Variants in TBC1D5 observed in about 807,000 individuals in gnomAD.
The protein encoded by TBC1D5 is TBC1 domain family, member 5.
TBC1D5 carries 75 observed loss-of-function variants against 100.3 expected under a neutral mutation model. That is an observed-to-expected ratio of 0.75 (90% CI 0.62 to 0.91). The LOEUF is 0.91. Ranked by LOEUF, TBC1D5 falls within the 40% of genes least tolerant of loss-of-function variation. The pLI is 0.00. For missense variants in TBC1D5, 910 were observed against 942.4 expected (o/e 0.97, Z 0.45); for synonymous variants, 323 against 325.6 (o/e 0.99, Z 0.09).
At chr3:17,262,236 A>G (rs2078374626) in intron 15 of TBC1D5, among the ~76,000 whole-genome samples, 1 of 152,168 alleles carries the variant, frequency 6.6e-6, no homozygotes, top group Non-Finnish European at 1.5e-5. Flanking sequence ...CCAGGCTACA[A>G]ACCTGTACAG....
At chr3:17,520,028 A>C (rs1389801991) in intron 2 of TBC1D5, among the ~76,000 whole-genome samples, 1 of 152,196 alleles carries the variant, frequency 6.6e-6, no homozygotes, top group Non-Finnish European at 1.5e-5. Context: ...AATGACATTG[A>C]AATGTAGTAT....
chr3:17,294,932 C>T (rs2082103682), intron 14 of TBC1D5, among the ~76,000 whole-genome samples: 1 of 152,108 alleles, frequency 6.6e-6, no homozygotes, highest in African/African-American at 2.4e-5. Flanking sequence ...GGATCTGACA[C>T]AATAAGAATT....
chr3:17,427,709 A>C (rs866413558), intron 4 of TBC1D5, among the ~76,000 whole-genome samples: 2 of 151,946 alleles, frequency 1.3e-5, no homozygotes, highest in African/African-American at 4.8e-5. Flanking sequence ...AAAATGTATT[A>C]TTATTGAATT....
At chr3:17,435,270 T>C (rs972280922) in intron 3 of TBC1D5, among the ~76,000 whole-genome samples, 3 of 152,090 alleles carry the variant, frequency 2.0e-5, no homozygotes, top group Non-Finnish European at 4.4e-5. Context: ...TCCACATTTT[T>C]GGGTATCCTT....
At chr3:17,674,266 A>G (rs993855710) in intron 1 of TBC1D5, among the ~76,000 whole-genome samples, 1 of 152,216 alleles carries the variant, frequency 6.6e-6, no homozygotes, top group Non-Finnish European at 1.5e-5. Flanking sequence ...AAAATTTGAC[A>G]GGTCATCTAT....
chr3:17,411,140 A>G (rs902833871), intron 4 of TBC1D5, among the ~76,000 whole-genome samples: 2 of 152,104 alleles, frequency 1.3e-5, no homozygotes, highest in Non-Finnish European at 2.9e-5. Context: ...AGCCACAACA[A>G]CAAGGCAAGA....
intron 18 of TBC1D5, among the ~76,000 whole-genome samples, chr3:17,210,037 T>G (rs1347779752): frequency 6.6e-6 from 1 of 152,182 alleles, no homozygotes; most frequent in Non-Finnish European, 1.5e-5. Context: ...TGTCCTCATT[T>G]TTGTACAGCA....
rs116627139 is a variant in TBC1D5 at position 17,386,560 on chromosome 3, A to G, written c.510-2545T>C. 9.9e-3 allele frequency among the ~76,000 whole-genome samples: 1,501 copies of G among 152,218 alleles called. 31 individuals are homozygous for G. Among genetic ancestry groups the G allele is most frequent in the African/African-American group, 0.035 (1,454 of 41,532 alleles). ...CAGACCACAGCTTACACGTCTGCCA[A>G]TCATTGAGTTTTGGCCAATCAAATG... On this transcript the variant is annotated intron_variant, in intron 8 of 21. Coordinates refer to ENST00000253692, the Ensembl canonical transcript of TBC1D5.
chr3:17,223,846 G>A (rs2074546116), intron 17 of TBC1D5, among the ~76,000 whole-genome samples: 2 of 152,074 alleles, frequency 1.3e-5, no homozygotes, highest in Non-Finnish European at 1.5e-5. Context: ...AGTGAGCTGA[G>A]ATCGCACCAC....
At chr3:17,710,122 T>C (rs2074570135) in intron 1 of TBC1D5, among the ~76,000 whole-genome samples, 1 of 151,976 alleles carries the variant, frequency 6.6e-6, no homozygotes, top group Non-Finnish European at 1.5e-5. Context: ...TTTAGGAAGA[T>C]TAATCCAGTA....
At chr3:17,502,562 A>G (rs1041446848) in intron 3 of TBC1D5, among the ~76,000 whole-genome samples, 2 of 149,262 alleles carry the variant, frequency 1.3e-5, no homozygotes, top group Non-Finnish European at 2.9e-5. Flanking sequence ...AATCATTGCC[A>G]TTGTTTTTGC....
chr3:17,372,202 C>T, exon 13 of TBC1D5: 3 of 1,613,606 alleles, frequency 1.9e-6, no homozygotes, highest in Non-Finnish European at 2.5e-6. Context: ...GGCCCTAAAT[C>T]TTGTGGTCTA....
intron 21 of TBC1D5, among the ~76,000 whole-genome samples, chr3:17,162,919 T>G (rs2066213275): frequency 1.3e-5 from 2 of 152,214 alleles, no homozygotes; most frequent in South Asian, 2.1e-4. Context: ...GTGAAAATCT[T>G]GACCTCTCAC....
At chr3:17,157,252 A>C (rs1348061614) in exon 22 of TBC1D5, 1 of 152,288 alleles carries the variant, frequency 6.6e-6, no homozygotes, top group Non-Finnish European at 1.5e-5. Flanking sequence ...AGTATGAGTT[A>C]TAGCATAAAG....
chr3:17,196,537 G>T (rs1312212906), intron 18 of TBC1D5, among the ~76,000 whole-genome samples: 1 of 152,220 alleles, frequency 6.6e-6, no homozygotes, highest in Non-Finnish European at 1.5e-5. Flanking sequence ...ACTGTAAAGG[G>T]CCCTACAGGG....
intron 4 of TBC1D5, among the ~76,000 whole-genome samples, chr3:17,416,867 T>G (rs922582854): frequency 3.3e-5 from 5 of 152,166 alleles, no homozygotes; most frequent in African/African-American, 1.2e-4. Flanking sequence ...TGGAAAGAAC[T>G]AGACCCAAGA....
intron 15 of TBC1D5, among the ~76,000 whole-genome samples, chr3:17,272,570 C>T (rs1026534373): frequency 1.3e-5 from 2 of 151,918 alleles, no homozygotes; most frequent in African/African-American, 4.8e-5. Flanking sequence ...AAATTTTTCA[C>T]AAAAAAACTC....
At chr3:17,346,884 T>C (rs1382124895) in intron 13 of TBC1D5, among the ~76,000 whole-genome samples, 1 of 152,192 alleles carries the variant, frequency 6.6e-6, no homozygotes, top group Non-Finnish European at 1.5e-5. Flanking sequence ...TTAACACACA[T>C]AAGCATGGAG....
At chr3:17,308,122 C>T (rs371855466) in exon 14 of TBC1D5, 5 of 1,580,074 alleles carry the variant, frequency 3.2e-6, no homozygotes, top group East Asian at 2.3e-5. Flanking sequence ...CAAATAGCAG[C>T]CGCACCCACC....
Sources: gnomAD v4.1 joint callset for allele counts (sites outside exome capture counted in the v4.1 genomes callset) on GRCh38, gnomAD v4.1.1 for gene constraint, MANE v1.5 for transcripts, NCBI Gene and HGNC (gene_info 2026-07-23, HGNC 2026-07-21) for gene names.